DIAPH2: variants seen among roughly 807,000 people sequenced by gnomAD.
DIAPH2 encodes the protein protein diaphanous homolog 2.
DIAPH2 carries 35 observed loss-of-function variants against 92.7 expected under a neutral mutation model. That is an observed-to-expected ratio of 0.38 (90% CI 0.29 to 0.50). The LOEUF is 0.50. Ranked by LOEUF, DIAPH2 falls within the 20% of genes least tolerant of loss-of-function variation. The pLI, the probability that DIAPH2 is intolerant of heterozygous loss-of-function variation, is 0.94. For missense variants in DIAPH2, 701 were observed against 819.5 expected (o/e 0.86, Z 1.77); for synonymous variants, 301 against 280.4 (o/e 1.07, Z -0.73).
intron 17 of DIAPH2, among the ~76,000 whole-genome samples, chrX:97,065,390 G>A (rs976156161): frequency 9.0e-6 from 1 of 111,201 alleles, no homozygotes; most frequent in African/African-American, 3.3e-5. Context: ...CGATGTTTTG[G>A]TCAACAATGG....
In DIAPH2 at chrX:97,355,067, AC is replaced by A. The variant is rs753830808; in HGVS notation, c.3009+6789del. On this transcript the variant is annotated intron_variant, in intron 24 of 26. Transcript: ENST00000324765. ...TATCTTAAGTAATTGTTCTTTAAAA[AC>A]CTAAACTTGTCTGAGAGCTCCCTGT... 2.3e-4 allele frequency among the ~76,000 whole-genome samples: 26 copies of A among 111,478 alleles called. No individual in the cohort carries two copies. In the East Asian group the frequency reaches 4.8e-3, roughly 21 times the overall value.
intron 16 of DIAPH2, among the ~76,000 whole-genome samples, chrX:96,963,445 G>C (rs1423864347): frequency 9.0e-6 from 1 of 111,154 alleles, no homozygotes; most frequent in African/African-American, 3.3e-5. Flanking sequence ...GGCATGTGTG[G>C]GATCCAGTGT....
chrX:96,812,682 A>T (rs1018475092), intron 4 of DIAPH2, among the ~76,000 whole-genome samples: 3 of 111,909 alleles, frequency 2.7e-5, no homozygotes, highest in African/African-American at 9.8e-5. Context: ...CCCTCTACAC[A>T]CTGCATTAAA....
intron 5 of DIAPH2, among the ~76,000 whole-genome samples, chrX:96,888,617 A>G (rs201117149): frequency 3.0e-5 from 3 of 100,552 alleles, no homozygotes; most frequent in Admixed American, 1.1e-4. Context: ...ATATATATCT[A>G]TATATATACA....
At chrX:97,316,321 T>C (rs2068839040) in intron 23 of DIAPH2, among the ~76,000 whole-genome samples, 2 of 110,730 alleles carry the variant, frequency 1.8e-5, no homozygotes, top group Admixed American at 1.9e-4. Flanking sequence ...TTTCTTGTCT[T>C]CAAATCCCCT....
At chrX:97,210,032 A>G (rs1471809778) in intron 22 of DIAPH2, among the ~76,000 whole-genome samples, 1 of 111,408 alleles carries the variant, frequency 9.0e-6, no homozygotes, top group Non-Finnish European at 1.9e-5. Context: ...TGACAATCCA[A>G]ATTTGGAGGT....
chrX:97,201,454 C>G (rs2067749523), intron 22 of DIAPH2, among the ~76,000 whole-genome samples: 1 of 107,954 alleles, frequency 9.3e-6, no homozygotes, highest in African/African-American at 3.4e-5. Flanking sequence ...CTAGAATAAC[C>G]AGTTTAGAGA....
intron 4 of DIAPH2, among the ~76,000 whole-genome samples, chrX:96,844,193 A>G (rs924770141): frequency 5.3e-5 from 6 of 112,749 alleles, no homozygotes; most frequent in Non-Finnish European, 1.1e-4. Context: ...TACTCCATTA[A>G]TTTCATTAAC....
In DIAPH2 at chrX:97,039,176, A is replaced by G. The variant is rs763509194; in HGVS notation, c.2051-33765A>G. Among the ~76,000 whole-genome samples the G allele has an allele frequency of 3.6e-5, 4 of 111,529 alleles. No homozygotes were observed. In the East Asian group the frequency reaches 1.1e-3, roughly 31 times the overall value. The stretch of plus-strand genomic sequence containing the variant: ...ATTTATATTTATTTGCTTACTCATG[A>G]TGTTTAAATAGCTTTATTACATATT... On this transcript the variant is annotated intron_variant, in intron 17 of 26. Transcript: ENST00000324765.
intron 25 of DIAPH2, among the ~76,000 whole-genome samples, chrX:97,424,410 C>G (rs781040696): frequency 2.7e-5 from 3 of 110,731 alleles, no homozygotes; most frequent in South Asian, 7.7e-4. Flanking sequence ...TCCAAAGGAC[C>G]GCGGTACATA....
chrX:97,298,629 T>C (rs568870801), intron 23 of DIAPH2, among the ~76,000 whole-genome samples: 1 of 104,266 alleles, frequency 9.6e-6, no homozygotes, highest in South Asian at 4.5e-4. Context: ...TTTTTTTTTT[T>C]ATTGAAACGG....
At chrX:97,472,406 A>T (rs1296886912) in intron 26 of DIAPH2, among the ~76,000 whole-genome samples, 1 of 112,574 alleles carries the variant, frequency 8.9e-6, no homozygotes, top group Non-Finnish European at 1.9e-5. Flanking sequence ...ATAAAATAAT[A>T]ATCCTTTTTA....
intron 17 of DIAPH2, among the ~76,000 whole-genome samples, chrX:96,973,645 A>G (rs754487541): frequency 9.3e-6 from 1 of 107,301 alleles, no homozygotes; most frequent in Non-Finnish European, 1.9e-5. Flanking sequence ...CATAGCTTCT[A>G]TATGAATACT....
intron 20 of DIAPH2, among the ~76,000 whole-genome samples, chrX:97,114,073 A>G (rs2067001170): frequency 8.9e-6 from 1 of 112,215 alleles, no homozygotes; most frequent in African/African-American, 3.2e-5. Flanking sequence ...AAGAAAACCA[A>G]TGTAGAATTC....
At chrX:96,749,195 TA>T (rs1395846676) in intron 3 of DIAPH2, among the ~76,000 whole-genome samples, 29 of 104,984 alleles carry the variant, frequency 2.8e-4, no homozygotes, top group African/African-American at 1.0e-3. Context: ...TAATATATTT[TA>T]AACATTATAT....
chrX:96,799,583 G>A (rs978600599), intron 4 of DIAPH2, among the ~76,000 whole-genome samples: 10 of 111,873 alleles, frequency 8.9e-5, no homozygotes, highest in Admixed American at 4.7e-4. Context: ...GCTGAGGCAG[G>A]CGGATCACGA....
intron 24 of DIAPH2, among the ~76,000 whole-genome samples, chrX:97,365,763 T>C (rs1306840578): frequency 3.7e-5 from 4 of 106,991 alleles, no homozygotes; most frequent in Non-Finnish European, 3.9e-5. Flanking sequence ...TGGGGTACAG[T>C]GGTACAATCT....
At chrX:97,204,655 C>T (rs1423313198) in intron 22 of DIAPH2, among the ~76,000 whole-genome samples, 1 of 111,385 alleles carries the variant, frequency 9.0e-6, no homozygotes, top group Non-Finnish European at 1.9e-5. Flanking sequence ...CAAACCACTG[C>T]TCAAGGAAAT....
chrX:97,546,882 G>A (rs2071185617), intron 26 of DIAPH2, among the ~76,000 whole-genome samples: 1 of 111,081 alleles, frequency 9.0e-6, no homozygotes, highest in African/African-American at 3.3e-5. Context: ...CAGTAAGGTG[G>A]AAGAGTGTAT....
Sources: gnomAD v4.1 joint callset for allele counts (sites outside exome capture counted in the v4.1 genomes callset) on GRCh38, gnomAD v4.1.1 for gene constraint, MANE v1.5 for transcripts, NCBI Gene and HGNC (gene_info 2026-07-23, HGNC 2026-07-21) for gene names.